The following ST3GAL1 variants were observed in gnomAD, a reference collection of about 807,000 sequenced individuals.
ST3GAL1 encodes the protein ST3 beta-galactoside alpha-2,3-sialyltransferase 1.
A neutral mutation model predicts 34.1 loss-of-function variants in ST3GAL1; 16 were observed. That is an observed-to-expected ratio of 0.47 (90% CI 0.32 to 0.71). The LOEUF (loss-of-function observed/expected upper bound fraction) is 0.71. Ranked by LOEUF, ST3GAL1 falls within the 30% of genes least tolerant of loss-of-function variation. The pLI, the probability that ST3GAL1 is intolerant of heterozygous loss-of-function variation, is 0.04. For missense variants in ST3GAL1, 353 were observed against 447.4 expected, an observed-to-expected ratio of 0.79 and a Z score of 1.90; for synonymous variants, 191 against 184.7, an observed-to-expected ratio of 1.03 and a Z score of -0.28.
Position 133,556,867 on chromosome 8 carries a change from G to A in ST3GAL1, c.-581-10941C>T, listed in dbSNP as rs1819046509. Among the ~76,000 whole-genome samples, 1 of 152,188 alleles carries A rather than the reference G, an allele frequency of 6.6e-6. No individual in the cohort carries two copies. Among genetic ancestry groups the A allele is most frequent in the South Asian group, 2.1e-4 (1 of 4,832 alleles). On this transcript the variant is annotated intron_variant, in intron 1 of 9. Transcript: ENST00000522652. This position sits in a 1 kb window ranked among gnomAD's most constrained non-coding sequence, Gnocchi z 8.9. ...CTCTTAGATGATAAAACTAAGTGGA[G>A]GGAAGTGGGAGGGAGGTTGGCAGCG...
intron 1 of ST3GAL1, among the ~76,000 whole-genome samples, chr8:133,558,861 T>C (rs987286279): frequency 2.0e-5 from 3 of 152,252 alleles, no homozygotes; most frequent in African/African-American, 7.2e-5. Flanking sequence ...CATTATAACA[T>C]TGATGAGAAG....
intron 2 of ST3GAL1, among the ~76,000 whole-genome samples, chr8:133,519,447 G>A (rs549966132): frequency 1.3e-5 from 2 of 152,160 alleles, no homozygotes; most frequent in Admixed American, 6.5e-5. Flanking sequence ...GCAAGCTACT[G>A]AGCAAATTCC....
rs1288235728 is a variant in ST3GAL1 at position 133,466,374 on chromosome 8, G to T, written c.307-284C>A. ...CTGCTGAAGCCGCTTGGGTGATCCA[G>T]CCACACCTGGACTCACAGGCCCCTC... On this transcript the variant is annotated intron_variant, in intron 5 of 9. Transcript: ENST00000522652. This position sits in a 1 kb window ranked among gnomAD's most constrained non-coding sequence, Gnocchi z 4.4. 1.3e-5 allele frequency among the ~76,000 whole-genome samples: 2 copies of T among 152,176 alleles called. No individual in the cohort carries two copies. Among genetic ancestry groups the T allele is most frequent in the Non-Finnish European group, 2.9e-5 (2 of 68,026 alleles).
rs1042770506 is a variant in ST3GAL1 at position 133,554,812 on chromosome 8, C to T, written c.-581-8886G>A. 4.0e-5 allele frequency among the ~76,000 whole-genome samples: 6 copies of T among 151,318 alleles called. No homozygotes were observed. The South Asian group carries it at 8.4e-4, about 21-fold the overall frequency. On this transcript the variant is annotated intron_variant, in intron 1 of 9. Transcript: ENST00000522652. ...CGCGATCTCGGCTCACTGCAACCTCCGCCTCCTGGATTCAAGCGATTCTCG... is the reference window on the plus strand; with the variant it reads ...CGCGATCTCGGCTCACTGCAACCTCTGCCTCCTGGATTCAAGCGATTCTCG...
chr8:133,557,193 G>T (rs768789473), intron 1 of ST3GAL1, among the ~76,000 whole-genome samples: 5 of 152,194 alleles, frequency 3.3e-5, no homozygotes, highest in Non-Finnish European at 7.3e-5. Flanking sequence ...AAGAGGGGAG[G>T]CAGATGCCAG....
intron 2 of ST3GAL1, among the ~76,000 whole-genome samples, chr8:133,525,308 TC>T (rs1817934754): frequency 6.6e-6 from 1 of 152,198 alleles, no homozygotes; most frequent in Admixed American, 6.5e-5. Flanking sequence ...AGTGGGTAGC[TC>T]CTTCCTGCAG....
chr8:133,542,779 CAAAAA>C (rs35321251), intron 2 of ST3GAL1, among the ~76,000 whole-genome samples: 4 of 85,520 alleles, frequency 4.7e-5, no homozygotes, highest in Non-Finnish European at 6.9e-5. Flanking sequence ...TCCTCCATCT[CAAAAA>C]AAAAAAAAAA....
At position 133,497,348 on chromosome 8, in the gene ST3GAL1, T is replaced by G. The variant is rs923816351; in HGVS notation, c.-374+1787A>C. 2.6e-5 allele frequency among the ~76,000 whole-genome samples: 4 copies of G among 151,766 alleles called. No individual in the cohort carries two copies. The South Asian group carries it at 8.3e-4, about 32-fold the overall frequency. On this transcript the variant is annotated intron_variant, in intron 3 of 9. Coordinates refer to ENST00000522652, the MANE Select transcript of ST3GAL1 (RefSeq NM_173344.3). ...CATGCAAAGCAAGAAGACAAAACCA[T>G]TGCAAACTTCACCAAACACAGAAAT...
rs892380643 is a variant in ST3GAL1 at position 133,570,924 on chromosome 8, G to T, written c.-582+769C>A. On this transcript the variant is annotated intron_variant, in intron 1 of 9. Coordinates refer to ENST00000522652, the MANE Select transcript of ST3GAL1 (RefSeq NM_173344.3). This position sits in a 1 kb window ranked among gnomAD's most constrained non-coding sequence, Gnocchi z 5.6. ...TCTTGGGAGCTGCGACGCCTCACGG[G>T]GTTGGGGCGGATTCAGAGTTTCGAG... 2.0e-5 allele frequency among the ~76,000 whole-genome samples: 3 copies of T among 152,200 alleles called. No homozygotes were observed. The highest frequency in any genetic ancestry group is 4.4e-5 in the Non-Finnish European group (3 of 68,034).
chr8:133,491,121 T>A (rs1816771227), intron 3 of ST3GAL1, among the ~76,000 whole-genome samples: 1 of 152,038 alleles, frequency 6.6e-6, no homozygotes, highest in Admixed American at 6.5e-5. Context: ...GTAGGCAGTG[T>A]GGAGAAGTGC....
At chr8:133,552,991 A>G (rs532718669) in intron 1 of ST3GAL1, among the ~76,000 whole-genome samples, 1 of 152,326 alleles carries the variant, frequency 6.6e-6, no homozygotes, top group African/African-American at 2.4e-5. Flanking sequence ...AGGGCCACAC[A>G]GCTAGAAATT....
intron 2 of ST3GAL1, among the ~76,000 whole-genome samples, chr8:133,511,130 T>C (rs1201103872): frequency 1.3e-5 from 2 of 152,214 alleles, no homozygotes; most frequent in African/African-American, 4.8e-5. Flanking sequence ...CTTGCACATT[T>C]TGGCAGTAAA....
At chr8:133,514,821 T>C (rs1447208028) in intron 2 of ST3GAL1, among the ~76,000 whole-genome samples, 1 of 152,068 alleles carries the variant, frequency 6.6e-6, no homozygotes, top group Non-Finnish European at 1.5e-5. Flanking sequence ...TTCCTGGTTT[T>C]TCCCATCCAG....
intron 2 of ST3GAL1, among the ~76,000 whole-genome samples, chr8:133,537,518 G>A (rs1231711113): frequency 2.0e-5 from 3 of 152,128 alleles, no homozygotes; most frequent in Non-Finnish European, 2.9e-5. Context: ...CTGTAACAAG[G>A]GCTACAAAAG....
intron 3 of ST3GAL1, among the ~76,000 whole-genome samples, chr8:133,496,654 G>A (rs1816954109): frequency 6.6e-6 from 1 of 152,198 alleles, no homozygotes; most frequent in Non-Finnish European, 1.5e-5. Context: ...AGCACCTGAG[G>A]AGACACCTGG....
At chr8:133,480,069 C>T (rs1816324455) in intron 3 of ST3GAL1, among the ~76,000 whole-genome samples, 1 of 152,088 alleles carries the variant, frequency 6.6e-6, no homozygotes, top group African/African-American at 2.4e-5. Flanking sequence ...GCCGGGCCCC[C>T]CAGAACAAGG....
Position 133,498,797 on chromosome 8 carries a change from G to A in ST3GAL1, c.-374+338C>T, listed in dbSNP as rs181612288. On this transcript the variant is annotated intron_variant, in intron 3 of 9. Transcript: ENST00000522652. ...GGGTCCCAGGGGTCTGGTTCCTAGA[G>A]CTCCTGAGGCCTCGGAGCAACCCTC... Among the ~76,000 whole-genome samples the A allele has an allele frequency of 1.4e-3, 206 of 152,254 alleles. 1 individual carries two copies. Among genetic ancestry groups the A allele is most frequent in the African/African-American group, 4.8e-3 (201 of 41,556 alleles).
chr8:133,481,906 A>G (rs974148712), intron 3 of ST3GAL1, among the ~76,000 whole-genome samples: 2 of 151,960 alleles, frequency 1.3e-5, no homozygotes, highest in Non-Finnish European at 2.9e-5. Context: ...CACAGAGCAC[A>G]TGTTCTTTTC....
chr8:133,487,468 GA>G (rs1372879354), intron 3 of ST3GAL1, among the ~76,000 whole-genome samples: 1 of 152,144 alleles, frequency 6.6e-6, no homozygotes, highest in African/African-American at 2.4e-5. Flanking sequence ...AAATGAAGAA[GA>G]AATGGCATGT....
Sources: gnomAD v4.1 joint callset for allele counts (sites outside exome capture counted in the v4.1 genomes callset) on GRCh38, gnomAD v4.1.1 for gene constraint, Gnocchi (gnomAD v3.1) non-coding constraint, MANE v1.5 for transcripts, NCBI Gene and HGNC (gene_info 2026-07-23, HGNC 2026-07-21) for gene names.